CCDC88C: variants seen among roughly 807,000 people sequenced by gnomAD.
CCDC88C encodes coiled-coil and HOOK domain protein 88C.
CCDC88C carries 131 observed loss-of-function variants against 198.8 expected under a neutral mutation model. The observed-to-expected ratio is 0.66, with a 90% confidence interval of 0.57 to 0.76. The LOEUF is 0.76. Among genes scored for constraint, CCDC88C ranks in the 30% least tolerant of loss-of-function variants. CCDC88C has a pLI of 0.00. For missense variants in CCDC88C, 2,553 were observed against 2,631.6 expected, an observed-to-expected ratio of 0.97 and a Z score of 0.65; for synonymous variants, 1,166 against 1,114.7, an observed-to-expected ratio of 1.05 and a Z score of -0.92.
chr14:91,388,646 T>C (rs1885295804), intron 3 of CCDC88C, among the ~76,000 whole-genome samples: 1 of 152,194 alleles, frequency 6.6e-6, no homozygotes, highest in African/African-American at 2.4e-5. Flanking sequence ...CACAGCGAGC[T>C]GTCAGCCACT....
At chr14:91,380,346 G>A (rs1222637116) in intron 3 of CCDC88C, among the ~76,000 whole-genome samples, 1 of 152,206 alleles carries the variant, frequency 6.6e-6, no homozygotes, top group Non-Finnish European at 1.5e-5. Context: ...CAGTGCTGGT[G>A]TAGGAGTCAG....
chr14:91,391,050 G>A (rs1361169604), intron 3 of CCDC88C, among the ~76,000 whole-genome samples: 6 of 152,192 alleles, frequency 3.9e-5, no homozygotes, highest in Admixed American at 3.9e-4. Context: ...CTTAGCAGCA[G>A]TCCTAACACC....
At position 91,328,014 on chromosome 14, in the gene CCDC88C, T is replaced by A. The variant is rs145355008; in HGVS notation, c.1051-1958A>T. ...AGGCCACAGCAGGCCGGCCTGTTCC[T>A]CCCCCAGACCAGGAACCTCAGGCAG... On this transcript the variant is annotated intron_variant, in intron 10 of 29. Transcript: ENST00000389857. Among the ~76,000 whole-genome samples the A allele has an allele frequency of 1.6e-3, 236 of 152,242 alleles. 1 individual carries two copies. Among genetic ancestry groups the A allele is most frequent in the African/African-American group, 5.2e-3 (217 of 41,546 alleles).
intron 21 of CCDC88C, among the ~76,000 whole-genome samples, chr14:91,297,696 G>A (rs1029780157): frequency 7.9e-5 from 12 of 151,924 alleles, no homozygotes; most frequent in Non-Finnish European, 1.3e-4. Flanking sequence ...TGTGTTCTTT[G>A]GGGATGCATG....
intron 4 of CCDC88C, among the ~76,000 whole-genome samples, chr14:91,347,623 A>G (rs1893602991): frequency 6.6e-6 from 1 of 152,124 alleles, no homozygotes; most frequent in Non-Finnish European, 1.5e-5. Context: ...GCAAATCAAA[A>G]CCACAATGAG....
intron 2 of CCDC88C, among the ~76,000 whole-genome samples, chr14:91,414,270 T>A (rs548624677): frequency 3.3e-5 from 5 of 152,232 alleles, no homozygotes; most frequent in African/African-American, 9.6e-5. Context: ...CTCACAACCA[T>A]CTCTTAAGGA....
At chr14:91,394,261 C>T (rs1885701622) in intron 3 of CCDC88C, among the ~76,000 whole-genome samples, 1 of 152,170 alleles carries the variant, frequency 6.6e-6, no homozygotes, top group Non-Finnish European at 1.5e-5. Flanking sequence ...GAAAAGCCTA[C>T]AGGTCTGCGT....
chr14:91,403,521 G>A (rs1362496992), intron 3 of CCDC88C, among the ~76,000 whole-genome samples: 1 of 152,228 alleles, frequency 6.6e-6, no homozygotes, highest in African/African-American at 2.4e-5. Context: ...GACTTCTGCT[G>A]GAACAGCCTC....
At chr14:91,287,088 T>C (rs1450074104) in intron 25 of CCDC88C, among the ~76,000 whole-genome samples, 1 of 152,216 alleles carries the variant, frequency 6.6e-6, no homozygotes, top group African/African-American at 2.4e-5. Flanking sequence ...CTGAAAGTTT[T>C]CCTAACTCAG....
chr14:91,285,444 TC>T (rs11341843), intron 25 of CCDC88C: 299,723 of 455,862 alleles, frequency 0.66, 99,629 homozygotes, highest in Non-Finnish European at 0.69. Flanking sequence ...ATCCTGAGGC[TC>T]CCCCTAAAAC....
intron 2 of CCDC88C, among the ~76,000 whole-genome samples, chr14:91,414,131 G>A (rs987362230): frequency 2.6e-5 from 4 of 152,188 alleles, no homozygotes; most frequent in African/African-American, 7.2e-5. Context: ...TCCAAGGATC[G>A]AAGAATGTGG....
At chr14:91,276,727 T>C (rs1567045246) in intron 29 of CCDC88C, among the ~76,000 whole-genome samples, 1 of 152,196 alleles carries the variant, frequency 6.6e-6, no homozygotes, top group Non-Finnish European at 1.5e-5. Context: ...TTAAGAATCC[T>C]CAAAAGGGCT....
intron 3 of CCDC88C, among the ~76,000 whole-genome samples, chr14:91,382,578 G>A (rs1884874959): frequency 1.3e-5 from 2 of 152,158 alleles, no homozygotes; most frequent in Admixed American, 1.3e-4. Context: ...CATCTAGCAG[G>A]TGAGGCAGAG....
At chr14:91,290,901 G>T in intron 24 of CCDC88C, 94 bp downstream of exon 24, 1 of 740,396 alleles carries the variant, frequency 1.4e-6, no homozygotes. Context: ...GGTGGATGGT[G>T]CGGGGCCTGC....
At chr14:91,416,701 A>G (rs1887073991) in intron 2 of CCDC88C, 37 bp downstream of exon 2, 1 of 1,453,440 alleles carries the variant, frequency 6.9e-7, no homozygotes, top group Admixed American at 1.8e-5. Context: ...TTTCTAACGC[A>G]CCATTCTTTC....
intron 2 of CCDC88C, among the ~76,000 whole-genome samples, chr14:91,413,498 T>C (rs1248421909): frequency 1.3e-5 from 2 of 152,202 alleles, no homozygotes; most frequent in Admixed American, 6.5e-5. Flanking sequence ...GTGTCCAAAG[T>C]TAACCAGAGC....
intron 3 of CCDC88C, among the ~76,000 whole-genome samples, chr14:91,385,658 C>A (rs538032005): frequency 6.6e-6 from 1 of 152,236 alleles, no homozygotes; most frequent in African/African-American, 2.4e-5. Context: ...GCTAGATATT[C>A]CAGGGTTTTA....
chr14:91,366,752 G>T (rs1259343983), intron 3 of CCDC88C, among the ~76,000 whole-genome samples: 1 of 152,196 alleles, frequency 6.6e-6, no homozygotes, highest in South Asian at 2.1e-4. Context: ...ACCAGTGAAG[G>T]GGGACGGGGT....
chr14:91,329,098 A>G (rs1312268683), intron 10 of CCDC88C, among the ~76,000 whole-genome samples: 1 of 151,930 alleles, frequency 6.6e-6, no homozygotes, highest in Non-Finnish European at 1.5e-5. Context: ...AGGAAACATC[A>G]CCCCCGCTCT....
Sources: allele counts gnomAD v4.1 joint callset (sites outside exome capture counted in the v4.1 genomes callset), GRCh38; gene constraint gnomAD v4.1.1; transcripts MANE v1.5; gene names NCBI Gene and HGNC (gene_info 2026-07-23, HGNC 2026-07-21).